The following CSMD1 variants were observed in gnomAD, a reference collection of about 807,000 sequenced individuals.
CSMD1 encodes the protein CUB and sushi domain-containing protein 1.
A neutral mutation model predicts 417.5 loss-of-function variants in CSMD1; 213 were observed. The ratio of observed to expected loss-of-function variants is 0.51; its 90% CI spans 0.46 to 0.57. The LOEUF (loss-of-function observed/expected upper bound fraction) is 0.57, where lower values mean the gene tolerates loss of function less well. Among genes scored for constraint, CSMD1 ranks in the 20% least tolerant of loss-of-function variants. CSMD1 has a pLI of 0.00. For synonymous variants in CSMD1, 2,862 were observed against 1,736.8 expected (o/e 1.65, Z -16.11); for missense variants, 6,923 against 4,529.7 (o/e 1.53, Z -15.17).
At position 2,949,318 on chromosome 8, in the gene CSMD1, T is replaced by C; in HGVS notation, c.10383A>G (p.Lys3461=). 1 of 1,605,838 alleles carries C rather than the reference T, an allele frequency of 6.2e-7. No homozygotes were observed. Among genetic ancestry groups the C allele is most frequent in the Non-Finnish European group, 8.5e-7 (1 of 1,174,448 alleles). ...QGDIHGKDFG[K]FKLERQDPLN... is the part of the protein sequence containing the mutation. ...ACTTACCTTGCCTTTCTAGCTTAAA[T>C]TTTCCAAAGTCTTTTCCATGAATGT... The change falls in exon 68 of 70, where the codon AAA becomes AAG. Residue 3461 remains lysine (K), a synonymous_variant. Coordinates refer to ENST00000635120, the MANE Select transcript of CSMD1 (RefSeq NM_033225.6).
chr8:3,722,283 G>C (rs1350833360), intron 6 of CSMD1, among the ~76,000 whole-genome samples: 6 of 152,126 alleles, frequency 3.9e-5, no homozygotes, highest in African/African-American at 1.4e-4. Context: ...ACTCCAGCCT[G>C]GGCGACAGAG....
chr8:3,462,212 G>A (rs1303700064), intron 12 of CSMD1, among the ~76,000 whole-genome samples: 2 of 152,110 alleles, frequency 1.3e-5, no homozygotes, highest in East Asian at 3.9e-4. Context: ...CTCCCTGGGG[G>A]CCACCCATGT....
intron 4 of CSMD1, among the ~76,000 whole-genome samples, chr8:4,010,814 T>G (rs959483791): frequency 6.6e-6 from 1 of 152,198 alleles, no homozygotes; most frequent in African/African-American, 2.4e-5. Context: ...TAAAACACCT[T>G]TGGTTCCAGT....
intron 37 of CSMD1, among the ~76,000 whole-genome samples, chr8:3,166,086 G>C (rs1434155791): frequency 6.6e-6 from 1 of 151,976 alleles, no homozygotes; most frequent in African/African-American, 2.4e-5. Flanking sequence ...AAGTAGGCAG[G>C]GTGGTGTTTG....
chr8:3,265,823 T>A (rs1257729973), intron 26 of CSMD1, among the ~76,000 whole-genome samples: 6 of 152,046 alleles, frequency 3.9e-5, no homozygotes, highest in Admixed American at 6.6e-5. Context: ...AGGGTTTTGC[T>A]TGGTGGAGAC....
At chr8:3,606,658 C>A (rs1346864315) in intron 8 of CSMD1, among the ~76,000 whole-genome samples, 2 of 151,712 alleles carry the variant, frequency 1.3e-5, no homozygotes, top group Admixed American at 6.6e-5. Context: ...TAATGCTTTT[C>A]TTTCTTCAAT....
intron 11 of CSMD1, chr8:3,469,150 A>G (rs1816944812): frequency 4.8e-6 from 1 of 208,864 alleles, no homozygotes; most frequent in Non-Finnish European, 9.6e-6. Context: ...CAACTGGGAC[A>G]GTCCTGGAAA....
intron 1 of CSMD1, among the ~76,000 whole-genome samples, chr8:4,784,675 A>T (rs1797311228): frequency 6.6e-6 from 1 of 152,226 alleles, no homozygotes; most frequent in Non-Finnish European, 1.5e-5. Context: ...ATTTTTGAAA[A>T]TTCAGAAGGA....
chr8:3,426,243 C>T (rs890511783), intron 12 of CSMD1, among the ~76,000 whole-genome samples: 1 of 152,158 alleles, frequency 6.6e-6, no homozygotes, highest in Non-Finnish European at 1.5e-5. Flanking sequence ...CACACTACTC[C>T]TAAACGTTCC....
chr8:4,166,064 T>G (rs1797439139), intron 3 of CSMD1, among the ~76,000 whole-genome samples: 2 of 152,222 alleles, frequency 1.3e-5, no homozygotes, highest in South Asian at 2.1e-4. Context: ...AATAAGTGAA[T>G]TCCCAATCTT....
At chr8:4,412,464 G>C (rs995449930) in intron 3 of CSMD1, among the ~76,000 whole-genome samples, 4 of 152,160 alleles carry the variant, frequency 2.6e-5, no homozygotes, top group Non-Finnish European at 5.9e-5. Flanking sequence ...AAGCCGGGCA[G>C]ATGCCAGTAC....
At chr8:3,529,057 A>C (rs1392957429) in intron 10 of CSMD1, among the ~76,000 whole-genome samples, 1 of 152,206 alleles carries the variant, frequency 6.6e-6, no homozygotes, top group Admixed American at 6.5e-5. Flanking sequence ...ACTTTAGTAC[A>C]AGCTGTAACA....
At chr8:3,832,633 G>T (rs975745454) in intron 5 of CSMD1, among the ~76,000 whole-genome samples, 1 of 152,116 alleles carries the variant, frequency 6.6e-6, no homozygotes, top group Non-Finnish European at 1.5e-5. Context: ...AGGAGTCGAA[G>T]ATTTCAAGTA....
chr8:3,889,563 G>C (rs1806813646), intron 5 of CSMD1, among the ~76,000 whole-genome samples: 1 of 146,216 alleles, frequency 6.8e-6, no homozygotes, highest in Non-Finnish European at 1.5e-5. Context: ...GTGTGTCTGT[G>C]TGTGTGTATG....
At chr8:3,929,881 C>A (rs995129587) in intron 5 of CSMD1, among the ~76,000 whole-genome samples, 3 of 150,122 alleles carry the variant, frequency 2.0e-5, no homozygotes, top group Admixed American at 6.6e-5. Flanking sequence ...CCGCTCATCT[C>A]CAACCCCTGA....
At position 4,155,268 on chromosome 8, in the gene CSMD1, C is replaced by G. The variant is rs910511395; in HGVS notation, c.416-123169G>C. 4.5e-4 allele frequency among the ~76,000 whole-genome samples: 69 copies of G among 152,250 alleles called. 2 individuals carry two copies. Among genetic ancestry groups the G allele is most frequent in the African/African-American group, 1.6e-3 (68 of 41,532 alleles). ...AGGGGCAGCAGAGAGGTGAATAAGT[C>G]CGGGTGTGAATTAGGGGGTGGAGCA... is the stretch of plus-strand genomic sequence containing the variant. On this transcript the variant is annotated intron_variant, in intron 3 of 69. Coordinates refer to ENST00000635120, the MANE Select transcript of CSMD1 (RefSeq NM_033225.6).
chr8:3,063,481 G>A (rs1156426060), intron 49 of CSMD1, among the ~76,000 whole-genome samples: 1 of 152,168 alleles, frequency 6.6e-6, no homozygotes, highest in African/African-American at 2.4e-5. Flanking sequence ...ATATGATGCA[G>A]AAATTGCACT....
intron 10 of CSMD1, among the ~76,000 whole-genome samples, chr8:3,509,535 A>T (rs1469464793): frequency 1.3e-5 from 2 of 152,232 alleles, no homozygotes; most frequent in African/African-American, 2.4e-5. Context: ...TATTCTACCA[A>T]GATTGCCTCT....
intron 3 of CSMD1, among the ~76,000 whole-genome samples, chr8:4,334,952 A>T (rs1271026897): frequency 6.6e-6 from 1 of 152,104 alleles, no homozygotes; most frequent in African/African-American, 2.4e-5. Context: ...CTACATCCTC[A>T]CATGACAGTA....
Sources: gnomAD v4.1 joint callset for allele counts (sites outside exome capture counted in the v4.1 genomes callset) on GRCh38, gnomAD v4.1.1 for gene constraint, MANE v1.5 for transcripts, NCBI Gene and HGNC (gene_info 2026-07-23, HGNC 2026-07-21) for gene names.